The following CDH18 variants were observed in gnomAD, a reference collection of about 807,000 sequenced individuals.
The protein encoded by CDH18 is cadherin 18, also known as cadherin-18.
In CDH18, 31 loss-of-function variants were observed where a neutral mutation model predicts 67.9. The ratio of observed to expected loss-of-function variants is 0.46; its 90% CI spans 0.34 to 0.62. CDH18 has a LOEUF of 0.62. CDH18 is among the 20% of genes least tolerant of loss of function. CDH18 has a pLI of 0.01. For missense variants in CDH18, 890 were observed against 975.5 expected (o/e 0.91, Z 1.17); for synonymous variants, 362 against 347.2 (o/e 1.04, Z -0.48).
chr5:19,601,984 C>T (rs983060414), intron 6 of CDH18, among the ~76,000 whole-genome samples: 1 of 152,054 alleles, frequency 6.6e-6, no homozygotes, highest in African/African-American at 2.4e-5. Context: ...TAAAACCCCA[C>T]AACTAATATC....
intron 1 of CDH18, among the ~76,000 whole-genome samples, chr5:19,982,759 T>A (rs1307954149): frequency 1.3e-5 from 2 of 152,082 alleles, no homozygotes; most frequent in East Asian, 3.9e-4. Context: ...ATATTATAAT[T>A]CGAGGCCAGG....
intron 2 of CDH18, among the ~76,000 whole-genome samples, chr5:20,185,738 C>A (rs1738047076): frequency 6.6e-6 from 1 of 152,100 alleles, no homozygotes; most frequent in Non-Finnish European, 1.5e-5. Context: ...CACCATACTT[C>A]TCTACCTTAT....
intron 2 of CDH18, among the ~76,000 whole-genome samples, chr5:20,242,822 T>C (rs1013933229): frequency 6.6e-6 from 1 of 151,582 alleles, no homozygotes; most frequent in African/African-American, 2.4e-5. Context: ...AAATATTCTA[T>C]GCTTTATTTC....
chr5:19,893,430 C>T (rs556472338), intron 2 of CDH18, among the ~76,000 whole-genome samples: 16 of 151,862 alleles, frequency 1.1e-4, no homozygotes, highest in African/African-American at 3.9e-4. Flanking sequence ...CAAGGAATTG[C>T]TGAATCACAC....
chr5:20,004,890 T>A (rs992782832), intron 2 of CDH18, among the ~76,000 whole-genome samples: 3 of 151,052 alleles, frequency 2.0e-5, no homozygotes, highest in Admixed American at 6.6e-5. Context: ...AAAGTAAATT[T>A]GAAGACCCAA....
intron 8 of CDH18, among the ~76,000 whole-genome samples, chr5:19,548,761 T>C (rs1736794379): frequency 6.6e-6 from 1 of 151,846 alleles, no homozygotes; most frequent in East Asian, 1.9e-4. Flanking sequence ...GCTTTTTTTT[T>C]TTTTTTTTTA....
At chr5:19,482,757 GA>G (rs1326438307) in intron 12 of CDH18, among the ~76,000 whole-genome samples, 3 of 152,082 alleles carry the variant, frequency 2.0e-5, no homozygotes, top group South Asian at 2.1e-4. Context: ...ACGTGAAGGG[GA>G]AAAAGCACCT....
chr5:20,163,078 T>C (rs1736014181), intron 2 of CDH18, among the ~76,000 whole-genome samples: 1 of 151,750 alleles, frequency 6.6e-6, no homozygotes, highest in African/African-American at 2.4e-5. Context: ...AATAAATAAA[T>C]AAATAAATAG....
intron 7 of CDH18, among the ~76,000 whole-genome samples, chr5:19,590,353 T>C (rs1429838115): frequency 6.6e-6 from 1 of 152,056 alleles, no homozygotes; most frequent in Non-Finnish European, 1.5e-5. Context: ...AACTTCCCCA[T>C]GGTAGTATTC....
chr5:19,880,703 G>A lies in CDH18; in HGVS notation c.-256-41461C>T, dbSNP rs147285969. On this transcript the variant is annotated intron_variant, in intron 2 of 12. Coordinates refer to ENST00000382275, the MANE Select transcript of CDH18 (RefSeq NM_004934.5). The stretch of plus-strand genomic sequence containing the variant: ...CTCATTCTGAAGGGCACATTAAATA[G>A]CATTTAATTATGTCTGTTCAAAGCA... Among the ~76,000 whole-genome samples the A allele has an allele frequency of 6.0e-3, 909 of 152,226 alleles. 3 individuals carry two copies. Among genetic ancestry groups the A allele is most frequent in the Non-Finnish European group, 8.4e-3 (572 of 68,002 alleles).
At chr5:20,092,551 C>T (rs1429700080) in intron 2 of CDH18, among the ~76,000 whole-genome samples, 2 of 151,974 alleles carry the variant, frequency 1.3e-5, no homozygotes, top group Admixed American at 1.3e-4. Context: ...TATTTTAATA[C>T]CATGATTGAA....
intron 3 of CDH18, among the ~76,000 whole-genome samples, chr5:19,794,092 T>C (rs1224412532): frequency 6.6e-6 from 1 of 152,140 alleles, no homozygotes; most frequent in Non-Finnish European, 1.5e-5. Flanking sequence ...TACAATCTAG[T>C]GAATTCTGTT....
intron 2 of CDH18, among the ~76,000 whole-genome samples, chr5:20,159,737 T>C (rs1031236855): frequency 6.6e-6 from 1 of 152,154 alleles, no homozygotes; most frequent in East Asian, 1.9e-4. Flanking sequence ...AGTTTAACGG[T>C]CTTTAAGCAT....
chr5:19,776,494 G>A (rs1774398265), intron 3 of CDH18, among the ~76,000 whole-genome samples: 1 of 152,130 alleles, frequency 6.6e-6, no homozygotes, highest in African/African-American at 2.4e-5. Flanking sequence ...AAAGAGGGAT[G>A]AATGTAGGGA....
intron 12 of CDH18, chr5:19,478,368 G>A (rs1425924619): frequency 1.3e-5 from 2 of 152,114 alleles, no homozygotes; most frequent in African/African-American, 4.8e-5. Flanking sequence ...CCTGAGTCAG[G>A]GAGGTTATTT....
At chr5:19,805,340 T>A (rs758872281) in intron 3 of CDH18, among the ~76,000 whole-genome samples, 1 of 152,212 alleles carries the variant, frequency 6.6e-6, no homozygotes, top group Non-Finnish European at 1.5e-5. Context: ...TACTATGATT[T>A]CACTTCCACT....
intron 2 of CDH18, among the ~76,000 whole-genome samples, chr5:20,205,530 G>A (rs751649116): frequency 6.6e-5 from 10 of 151,744 alleles, no homozygotes; most frequent in Non-Finnish European, 1.5e-4. Flanking sequence ...AGACCAAAGA[G>A]GTCTAGTTTC....
chr5:19,839,255 G>T lies in CDH18; in HGVS notation c.-256-13C>A. The T allele has an allele frequency of 2.5e-6, 1 of 406,194 alleles. No individual in the cohort carries two copies. The highest frequency in any genetic ancestry group is 3.5e-5 in the South Asian group (1 of 28,634). The allele number at this position is 406,194 out of a possible 1,614,324, so 25.2% of individuals were successfully genotyped here. Reference sequence around the variant, plus strand: ...AACCATTTTCAACCTAATGGAAAGAGAAAATTATATGTGTTACAAAACACG... The same window carrying T: ...AACCATTTTCAACCTAATGGAAAGATAAAATTATATGTGTTACAAAACACG... On this transcript the variant is annotated splice_polypyrimidine_tract_variant and intron_variant, in intron 2 of 12. Transcript: ENST00000382275.
At chr5:19,818,988 TGAACTC>T (rs1170892927) in intron 3 of CDH18, among the ~76,000 whole-genome samples, 1 of 152,072 alleles carries the variant, frequency 6.6e-6, no homozygotes, top group African/African-American at 2.4e-5. Flanking sequence ...TTTGGATACT[TGAACTC>T]TAATGGCAAT....
Sources: gnomAD v4.1 joint callset for allele counts (sites outside exome capture counted in the v4.1 genomes callset) on GRCh38, gnomAD v4.1.1 for gene constraint, MANE v1.5 for transcripts, NCBI Gene and HGNC (gene_info 2026-07-23, HGNC 2026-07-21) for gene names.